The following HIP1 variants were observed in gnomAD, a reference collection of about 807,000 sequenced individuals.
The protein encoded by HIP1 is huntingtin-interacting protein 1.
A neutral mutation model predicts 147.6 loss-of-function variants in HIP1; 65 were observed. The observed-to-expected ratio is 0.44, with a 90% CI of 0.36 to 0.54. The LOEUF (loss-of-function observed/expected upper bound fraction) is 0.54. HIP1 is among the 20% of genes least tolerant of loss of function. The pLI, the probability that HIP1 is intolerant of heterozygous loss-of-function variation, is 0.00. For missense variants in HIP1, 1,061 were observed against 1,299.6 expected (o/e 0.82, Z 2.82); for synonymous variants, 479 against 504.0 (o/e 0.95, Z 0.67).
chr7:75,582,143 C>A lies in HIP1; in HGVS notation c.474G>T (p.Arg158Ser). 6.2e-7 allele frequency: 1 copy of A among 1,613,880 alleles called. No individual in the cohort carries two copies. Among genetic ancestry groups the A allele is most frequent in the Non-Finnish European group, 8.5e-7 (1 of 1,179,884 alleles). ...CACTCATCTGCAGGTTGCCTGGGAA[C>A]CTGGGATTCTGGAAGGGAGGCAGAG... ...TKMEYHTKNP[R>S]FPGNLQMSDR... is the part of the protein sequence containing the mutation. Residue 158 changes from arginine (R) to serine (S), a missense_variant, in exon 6 of 31, where the codon AGG becomes AGT. By Grantham distance (110) the Arg-to-Ser change is moderately radical. Around this residue, in one of 3 missense-constraint regions of HIP1, gnomAD observed 225 missense variants for 292.9 expected, o/e 0.77. Transcript: ENST00000336926.
chr7:75,620,823 C>T (rs1246791964), intron 1 of HIP1, among the ~76,000 whole-genome samples: 2 of 151,954 alleles, frequency 1.3e-5, no homozygotes, highest in Non-Finnish European at 2.9e-5. Flanking sequence ...GCGAGAGGTG[C>T]TATGGAAGAA....
intron 1 of HIP1, among the ~76,000 whole-genome samples, chr7:75,647,008 G>A (rs1310631619): frequency 6.6e-6 from 1 of 151,862 alleles, no homozygotes. Flanking sequence ...AAAGGGCCAG[G>A]GCCTCCTAAG....
chr7:75,713,056 T>C (rs982135718), intron 1 of HIP1, among the ~76,000 whole-genome samples: 1 of 152,210 alleles, frequency 6.6e-6, no homozygotes, highest in South Asian at 2.1e-4. Flanking sequence ...TGCAAAGCCC[T>C]GTGGCCTACA....
At chr7:75,697,330 T>C (rs1584959085) in intron 1 of HIP1, among the ~76,000 whole-genome samples, 1 of 151,960 alleles carries the variant, frequency 6.6e-6, no homozygotes. Flanking sequence ...CTTTGGGAGG[T>C]TGAGAGGGGA....
At chr7:75,651,057 C>T (rs900085169) in intron 1 of HIP1, among the ~76,000 whole-genome samples, 7 of 151,976 alleles carry the variant, frequency 4.6e-5, no homozygotes, top group African/African-American at 7.2e-5. Flanking sequence ...TTGAGAGCCA[C>T]GACATGAGCT....
intron 1 of HIP1, among the ~76,000 whole-genome samples, chr7:75,727,041 A>T (rs1160248732): frequency 3.3e-5 from 5 of 151,984 alleles, no homozygotes; most frequent in Admixed American, 6.6e-5. Context: ...CCATTTCATA[A>T]GTTTATTGGC....
At chr7:75,615,807 C>T (rs587648500) in intron 1 of HIP1, among the ~76,000 whole-genome samples, 3 of 150,822 alleles carry the variant, frequency 2.0e-5, no homozygotes, top group African/African-American at 7.3e-5. Context: ...AAAAAATGGC[C>T]AGGCGCGGTG....
At chr7:75,572,928 G>A (rs782657118) in intron 8 of HIP1, among the ~76,000 whole-genome samples, 10 of 152,148 alleles carry the variant, frequency 6.6e-5, no homozygotes, top group African/African-American at 1.4e-4. Flanking sequence ...ACCTGTTCCC[G>A]CTGCCTGGCT....
At chr7:75,626,888 C>G (rs1213766342) in intron 1 of HIP1, 2 of 98,772 alleles carry the variant, frequency 2.0e-5, no homozygotes, top group Non-Finnish European at 3.9e-5. Context: ...TGCACACAAA[C>G]ACACACACAC....
At chr7:75,582,765 C>T (rs1554498839) in intron 5 of HIP1, among the ~76,000 whole-genome samples, 1 of 152,154 alleles carries the variant, frequency 6.6e-6, no homozygotes, top group Non-Finnish European at 1.5e-5. Flanking sequence ...TGAGATCGCA[C>T]CACTGCACTC....
At chr7:75,674,781 G>A (rs568034573) in intron 1 of HIP1, among the ~76,000 whole-genome samples, 35 of 151,490 alleles carry the variant, frequency 2.3e-4, no homozygotes, top group African/African-American at 6.8e-4. Context: ...GTGAGCCACC[G>A]TGCCAGGCCG....
intron 1 of HIP1, among the ~76,000 whole-genome samples, chr7:75,642,271 T>G (rs1255436363): frequency 2.0e-5 from 3 of 151,828 alleles, no homozygotes; most frequent in African/African-American, 4.8e-5. Context: ...GGTACGACGG[T>G]TCACACCTGT....
At chr7:75,607,781 G>A (rs1162610880) in intron 1 of HIP1, among the ~76,000 whole-genome samples, 4 of 152,052 alleles carry the variant, frequency 2.6e-5, no homozygotes, top group Non-Finnish European at 5.9e-5. Flanking sequence ...ATCAGCAAGT[G>A]TAGGGCGGGG....
intron 1 of HIP1, among the ~76,000 whole-genome samples, chr7:75,720,409 C>T (rs1461318726): frequency 5.9e-5 from 9 of 152,110 alleles, no homozygotes; most frequent in Admixed American, 3.9e-4. Context: ...GATCTGCCCG[C>T]GTTGGCCTCC....
intron 7 of HIP1, 133 bp from the exon 8 acceptor site, chr7:75,574,034 T>C: frequency 1.5e-6 from 1 of 668,090 alleles, no homozygotes; most frequent in Non-Finnish European, 2.5e-6. Flanking sequence ...TCTAATTCAT[T>C]TAACCTTCAC....
chr7:75,605,801 TG>T (rs1477242681), intron 1 of HIP1, among the ~76,000 whole-genome samples: 17 of 152,260 alleles, frequency 1.1e-4, no homozygotes, highest in African/African-American at 3.9e-4. Context: ...CTCCCAGTGT[TG>T]GGATTAGAGG....
At chr7:75,599,035 AG>A in intron 2 of HIP1, 148 bp downstream of exon 2, 2 of 632,670 alleles carry the variant, frequency 3.2e-6, no homozygotes, top group Non-Finnish European at 5.7e-6. Flanking sequence ...GCCCTCTCTG[AG>A]AAGCTGCCGT....
At chr7:75,735,313 G>A (rs1801981356) in intron 1 of HIP1, among the ~76,000 whole-genome samples, 1 of 152,160 alleles carries the variant, frequency 6.6e-6, no homozygotes, top group Non-Finnish European at 1.5e-5. Flanking sequence ...GTTTCCAGCT[G>A]TGTGACTTCT....
At chr7:75,649,730 C>T (rs1798911905) in intron 1 of HIP1, among the ~76,000 whole-genome samples, 1 of 152,160 alleles carries the variant, frequency 6.6e-6, no homozygotes. Context: ...GAACCCCCGG[C>T]CTGGTCTTGG....
Sources: gnomAD v4.1 joint callset for allele counts (sites outside exome capture counted in the v4.1 genomes callset) on GRCh38, gnomAD v4.1.1 for gene constraint, gnomAD v4.1.1 regional missense constraint, MANE v1.5 for transcripts, NCBI Gene and HGNC (gene_info 2026-07-23, HGNC 2026-07-21) for gene names.